The following VRK2 variants were observed in gnomAD, a reference collection of about 807,000 sequenced individuals.
VRK2 encodes serine/threonine-protein kinase VRK2.
VRK2 carries 60 observed loss-of-function variants against 57.6 expected under a neutral mutation model. That is an observed-to-expected ratio of 1.04 (90% CI 0.85 to 1.29). VRK2 has a LOEUF of 1.29. VRK2 is among the 50% of genes most tolerant of loss of function. The probability of loss-of-function intolerance (pLI) is 0.00; values close to 1 mark genes in which losing one functional copy is unlikely to be tolerated. For missense variants in VRK2, 705 were observed against 588.1 expected, an observed-to-expected ratio of 1.20 and a Z score of -2.06; for synonymous variants, 231 against 199.2, an observed-to-expected ratio of 1.16 and a Z score of -1.35.
At chr2:58,060,661 A>T (rs1271635629) in intron 2 of VRK2, among the ~76,000 whole-genome samples, 1 of 151,934 alleles carries the variant, frequency 6.6e-6, no homozygotes, top group African/African-American at 2.4e-5. Flanking sequence ...GACCATAATG[A>T]AAAACGTGAG....
At chr2:58,082,757 GT>G (rs1301000809) in intron 2 of VRK2, among the ~76,000 whole-genome samples, 2 of 151,788 alleles carry the variant, frequency 1.3e-5, no homozygotes, top group Non-Finnish European at 2.9e-5. Flanking sequence ...CTATAAGTAA[GT>G]TTAGTTTCTT....
chr2:57,933,438 G>A lies in VRK2; in HGVS notation c.-439+25599G>A, dbSNP rs983133130. Among the ~76,000 whole-genome samples, 60 of 146,798 alleles carry A rather than the reference G, an allele frequency of 4.1e-4. 1 individual carries two copies. The highest frequency in any genetic ancestry group is 6.7e-4 in the African/African-American group (26 of 38,778). ...AGCGATTCTTCTGCCTCAGCCTCCC[G>A]AGTAGCTGGGATTACAGGCACCTGC... On this transcript the variant is annotated intron_variant, in intron 1 of 15. Coordinates refer to the VRK2 transcript ENST00000417641.
At chr2:57,930,283 A>G (rs1670676505) in intron 1 of VRK2, among the ~76,000 whole-genome samples, 2 of 152,120 alleles carry the variant, frequency 1.3e-5, no homozygotes, top group Admixed American at 1.3e-4. Flanking sequence ...GCTTGTCTAA[A>G]TGCTCCTCTG....
intron 2 of VRK2, among the ~76,000 whole-genome samples, chr2:58,029,727 T>C (rs1572802273): frequency 6.6e-6 from 1 of 152,176 alleles, no homozygotes. Flanking sequence ...AGAATGTCTT[T>C]GCCAGCTCTG....
intron 1 of VRK2, among the ~76,000 whole-genome samples, chr2:58,011,299 C>A (rs1271306617): frequency 6.6e-6 from 1 of 152,200 alleles, no homozygotes; most frequent in Non-Finnish European, 1.5e-5. Context: ...CCCTGCTCTA[C>A]ATATATCATC....
intron 2 of VRK2, among the ~76,000 whole-genome samples, chr2:58,055,306 T>C (rs1676354223): frequency 6.6e-6 from 1 of 152,102 alleles, no homozygotes; most frequent in Non-Finnish European, 1.5e-5. Flanking sequence ...CAAGTTTAAG[T>C]ATCAGGGGCC....
At chr2:58,087,079 A>G (rs552882537) in intron 5 of VRK2, among the ~76,000 whole-genome samples, 13 of 152,310 alleles carry the variant, frequency 8.5e-5, no homozygotes, top group Middle Eastern at 3.4e-3. Flanking sequence ...CTAGTCCTAT[A>G]TATAATTTAT....
chr2:57,928,843 A>G (rs565868975), intron 1 of VRK2, among the ~76,000 whole-genome samples: 1 of 152,368 alleles, frequency 6.6e-6, no homozygotes, highest in South Asian at 2.1e-4. Flanking sequence ...GATAAGATCC[A>G]GAAGAATTCT....
intron 7 of VRK2, among the ~76,000 whole-genome samples, chr2:58,117,368 G>T (rs533192168): frequency 6.6e-6 from 1 of 152,142 alleles, no homozygotes; most frequent in Non-Finnish European, 1.5e-5. Flanking sequence ...CTGTAAGCCG[G>T]ACCAGGTGTG....
At chr2:57,962,200 T>C (rs1318346320) in intron 1 of VRK2, among the ~76,000 whole-genome samples, 1 of 152,142 alleles carries the variant, frequency 6.6e-6, no homozygotes, top group African/African-American at 2.4e-5. Flanking sequence ...GGTTAATTAG[T>C]CAACCCTCTT....
chr2:57,919,966 TTAGA>T (rs1409152157), intron 1 of VRK2, among the ~76,000 whole-genome samples: 3 of 152,108 alleles, frequency 2.0e-5, no homozygotes, highest in Admixed American at 1.3e-4. Context: ...ATTATTCAAA[TTAGA>T]TAGTAATTAA....
At chr2:57,927,328 G>C (rs558818820) in intron 1 of VRK2, among the ~76,000 whole-genome samples, 173 of 149,932 alleles carry the variant, frequency 1.2e-3, no homozygotes, top group Middle Eastern at 3.4e-3. Flanking sequence ...CCAGGCTGGA[G>C]TCCAGTGGCG....
In VRK2 at chr2:57,921,286, GCACACA is replaced by G. The variant is rs34924125; in HGVS notation, c.-439+13467_-439+13472del. ...ACCTGCCCAGGTAATTCTTAAGCGC[GCACACA>G]CACACACACACACACACACTCACAC... On this transcript the variant is annotated intron_variant, in intron 1 of 15. Coordinates refer to the VRK2 transcript ENST00000417641. Among the ~76,000 whole-genome samples, 788 of 148,128 alleles carry G rather than the reference GCACACA, an allele frequency of 5.3e-3. 4 individuals carry two copies. The highest frequency in any genetic ancestry group is 8.3e-3 in the Non-Finnish European group (553 of 66,834).
chr2:58,146,334 G>A lies in VRK2; in HGVS notation c.1042G>A (p.Ala348Thr), dbSNP rs771265352. 2.5e-6 allele frequency: 4 copies of A among 1,609,602 alleles called. No homozygotes were observed. Among genetic ancestry groups the A allele is most frequent in the Non-Finnish European group, 3.4e-6 (4 of 1,177,334 alleles). The change falls in exon 12 of 13, where the codon GCA becomes ACA. Residue 348 changes from alanine (A) to threonine (T), a missense_variant. Physicochemically the swap from Ala to Thr is moderately conservative, Grantham distance 58. Transcript: ENST00000340157. Reference sequence around the variant, plus strand: ...CCAACAGGTTGATTCACAAAAGGCTGCAACAAAGCAAGTCAACAAGGCACA... The same window carrying A: ...CCAACAGGTTGATTCACAAAAGGCTACAACAAAGCAAGTCAACAAGGCACA... ...NSQKVDSQKAATKQVNKAHNR... is the reference protein window; with the variant it reads ...NSQKVDSQKATTKQVNKAHNR...
At chr2:57,979,543 T>C (rs113732670) in intron 1 of VRK2, among the ~76,000 whole-genome samples, 2,417 of 151,474 alleles carry the variant, frequency 0.016, 219 homozygotes, top group African/African-American at 0.057. Flanking sequence ...TGGAATGATG[T>C]TGGCCTCATA....
At chr2:57,918,089 G>A (rs927523596) in intron 1 of VRK2, among the ~76,000 whole-genome samples, 1 of 152,020 alleles carries the variant, frequency 6.6e-6, no homozygotes, top group Admixed American at 6.6e-5. Context: ...GCTTAATTAA[G>A]GAAAAACAAA....
Position 58,086,335 on chromosome 2 carries a change from G to C in VRK2, c.257-4G>C. On this transcript the variant is annotated splice_polypyrimidine_tract_variant and splice_region_variant and intron_variant, in intron 4 of 12. Coordinates refer to ENST00000340157, the MANE Select transcript of VRK2 (RefSeq NM_006296.7). Reference sequence around the variant, plus strand: ...TCTTTTTAAAAATAAATTTGTCTTTGTAGTCAAAAAGTGGATAGAACGCAA... The same window carrying C: ...TCTTTTTAAAAATAAATTTGTCTTTCTAGTCAAAAAGTGGATAGAACGCAA... The C allele has an allele frequency of 4.4e-6, 7 of 1,595,822 alleles. No individual in the cohort carries two copies. The highest frequency in any genetic ancestry group is 5.1e-6 in the Non-Finnish European group (6 of 1,173,220).
rs1442894352 is a variant in VRK2, at chr2:58,089,739, T to A, written c.543+16T>A. On this transcript the variant is annotated intron_variant, in intron 7 of 12. Transcript: ENST00000340157. ...TCCAGACCAGGTAAATACATACTTT[T>A]GCTTTTAATAAAGGTCTTTAATGTA... 11 of 1,568,394 alleles carry A rather than the reference T, an allele frequency of 7.0e-6. No individual in the cohort carries two copies. Among genetic ancestry groups the A allele is most frequent in the Non-Finnish European group, 8.7e-6 (10 of 1,145,612 alleles).
At chr2:58,127,319 T>G (rs912609776) in intron 8 of VRK2, among the ~76,000 whole-genome samples, 1 of 152,134 alleles carries the variant, frequency 6.6e-6, no homozygotes, top group Non-Finnish European at 1.5e-5. Context: ...TACGCAATAC[T>G]TATGTCTTGG....
Sources: gnomAD v4.1 joint callset for allele counts (sites outside exome capture counted in the v4.1 genomes callset) on GRCh38, gnomAD v4.1.1 for gene constraint, MANE v1.5 for transcripts, NCBI Gene and HGNC (gene_info 2026-07-23, HGNC 2026-07-21) for gene names.